YLPM1: variants seen among roughly 807,000 people sequenced by gnomAD.
The protein encoded by YLPM1 is YLP motif-containing protein 1.
A neutral mutation model predicts 230.0 loss-of-function variants in YLPM1; 99 were observed. The observed-to-expected ratio is 0.43, with a 90% CI of 0.37 to 0.51. The LOEUF is 0.51. YLPM1 is among the 20% of genes least tolerant of loss of function. The pLI, the probability that YLPM1 is intolerant of heterozygous loss-of-function variation, is 0.00. For synonymous variants in YLPM1, 984 were observed against 942.5 expected, an observed-to-expected ratio of 1.04 and a Z score of -0.81; for missense variants, 2,592 against 2,707.7, an observed-to-expected ratio of 0.96 and a Z score of 0.95.
chr14:74,777,643 T>A (rs1566740076), intron 1 of YLPM1, among the ~76,000 whole-genome samples: 1 of 151,656 alleles, frequency 6.6e-6, no homozygotes, highest in Non-Finnish European at 1.5e-5. Context: ...TGTGTGTACA[T>A]CTGAGTATGG....
rs759667433 is a variant in YLPM1, at chr14:74,763,441, T to C, written c.-49T>C. The C allele has an allele frequency of 3.6e-6, 5 of 1,374,158 alleles. No individual in the cohort carries two copies. The African/African-American group carries it at 6.0e-5, about 17-fold the overall frequency. 85.1% of individuals were successfully genotyped at this position (1,374,158 alleles called of 1,614,324 possible). The stretch of plus-strand genomic sequence containing the variant: ...CGCCGCCGCGGCTCCTGGAGGTCGG[T>C]TGCGACGAGTAACGGCGCCAGGACG... On this transcript the variant is annotated 5_prime_UTR_variant, in exon 1 of 21. Coordinates refer to ENST00000325680, the MANE Select transcript of YLPM1 (RefSeq NM_019589.3).
At position 74,835,467 on chromosome 14, in the gene YLPM1, TA is replaced by T. The variant is rs1209321352; in HGVS notation, c.*36+23del. 6.3e-7 allele frequency: 1 copy of T among 1,586,156 alleles called. No individual in the cohort carries two copies. Among genetic ancestry groups the T allele is most frequent in the Non-Finnish European group, 8.6e-7 (1 of 1,166,254 alleles). ...TCTAAGGTAAGAGTACACAGTCATA[TA>T]AATAGCCTACTGTGTGGTTGCTTCA... is the stretch of plus-strand genomic sequence containing the variant. On this transcript the variant is annotated intron_variant, in intron 20 of 20. Coordinates refer to ENST00000325680, the MANE Select transcript of YLPM1 (RefSeq NM_019589.3).
intron 2 of YLPM1, among the ~76,000 whole-genome samples, chr14:74,779,273 G>A (rs2091070566): frequency 6.6e-6 from 1 of 152,196 alleles, no homozygotes; most frequent in South Asian, 2.1e-4. Context: ...CAGGGCAATA[G>A]TTGAGTGCTT....
intron 1 of YLPM1, among the ~76,000 whole-genome samples, chr14:74,767,895 T>C (rs903061954): frequency 2.0e-5 from 3 of 152,162 alleles, no homozygotes; most frequent in African/African-American, 7.2e-5. Context: ...AGTGTTGCAT[T>C]CCTCATGGGA....
intron 4 of YLPM1, among the ~76,000 whole-genome samples, chr14:74,783,542 C>T (rs974845221): frequency 6.6e-6 from 1 of 152,136 alleles, no homozygotes; most frequent in Admixed American, 6.5e-5. Context: ...ATATATGTTG[C>T]AGAAATGGGA....
In YLPM1 at chr14:74,780,392, CT is replaced by C. The variant is rs754915733; in HGVS notation, c.1111-9del. The C allele has an allele frequency of 2.5e-6, 4 of 1,602,656 alleles. No individual in the cohort carries two copies. Among genetic ancestry groups the C allele is most frequent in the Non-Finnish European group, 2.6e-6 (3 of 1,174,288 alleles). On this transcript the variant is annotated splice_polypyrimidine_tract_variant and intron_variant, in intron 2 of 20. Transcript: ENST00000325680. ...TATGACTTACATAAAGATGTGTCCT[CT>C]TTTATCTTTAGTCTGAGGACCCAGA... is the stretch of plus-strand genomic sequence containing the variant.
At position 74,763,913 on chromosome 14, in the gene YLPM1, G is replaced by C. The variant is rs767428055; in HGVS notation, c.424G>C (p.Glu142Gln). 6.4e-7 allele frequency: 1 copy of C among 1,560,776 alleles called. No individual in the cohort carries two copies. Among genetic ancestry groups the C allele is most frequent in the South Asian group, 1.2e-5 (1 of 81,300 alleles). ...RDGPPGLVPM[E>Q]LESPPESPPV... The stretch of plus-strand genomic sequence containing the variant: ...CGGGCCTCCTGGTTTGGTTCCAATG[G>C]AGCTGGAATCCCCCCCTGAATCTCC... The change falls in exon 1 of 21, where the codon GAG (glutamate) becomes CAG (glutamine). Residue 142 changes from glutamate (E) to glutamine (Q), a missense_variant. Glu to Gln is a conservative substitution (Grantham distance 29). Coordinates refer to ENST00000325680, the MANE Select transcript of YLPM1 (RefSeq NM_019589.3).
intron 1 of YLPM1, among the ~76,000 whole-genome samples, chr14:74,772,242 G>T (rs2090984687): frequency 6.7e-6 from 1 of 149,410 alleles, no homozygotes; most frequent in South Asian, 2.1e-4. Flanking sequence ...TTCTCAGAGA[G>T]ATGGGATCTT....
intron 18 of YLPM1, among the ~76,000 whole-genome samples, chr14:74,825,720 AAG>A (rs1039367921): frequency 6.6e-6 from 1 of 152,152 alleles, no homozygotes; most frequent in African/African-American, 2.4e-5. Context: ...CTTTAGGGCA[AAG>A]AGAGATCATA....
In YLPM1 at chr14:74,798,517, AGAG is replaced by A; in HGVS notation, c.3224_3226del (p.Gly1075del). 1 of 1,613,964 alleles carries A rather than the reference AGAG, an allele frequency of 6.2e-7. No individual in the cohort carries two copies. Among genetic ancestry groups the A allele is most frequent in the African/African-American group, 1.3e-5 (1 of 75,042 alleles). On this transcript the variant is annotated inframe_deletion, in exon 5 of 21. Coordinates refer to ENST00000325680, the MANE Select transcript of YLPM1 (RefSeq NM_019589.3). The stretch of plus-strand genomic sequence containing the variant: ...AGAAGATAGTCGAGAGAAGATGAAC[AGAG>A]GAGAAGGTAGCCGGGACAGAGGGTT...
At chr14:74,789,606 C>CTTTTTTTTT in intron 4 of YLPM1, among the ~76,000 whole-genome samples, 2 of 125,560 alleles carry the variant, frequency 1.6e-5, no homozygotes, top group Middle Eastern at 3.7e-3. Flanking sequence ...TCTTTCTTTT[C>CTTTTTTTTT]TTTTTTTTTT....
chr14:74,779,055 T>G (rs1458400423), intron 2 of YLPM1, among the ~76,000 whole-genome samples: 4 of 152,192 alleles, frequency 2.6e-5, no homozygotes, highest in Non-Finnish European at 5.9e-5. Flanking sequence ...TTGGCCAGGC[T>G]GGTTTCGAAC....
chr14:74,835,474 C>T (rs957331169), intron 20 of YLPM1, 27 bp downstream of exon 20: 2 of 1,567,284 alleles, frequency 1.3e-6, no homozygotes, highest in Non-Finnish European at 8.7e-7. Flanking sequence ...ATATAAATAG[C>T]CTACTGTGTG....
chr14:74,829,506 A>C (rs1011739066), intron 19 of YLPM1, among the ~76,000 whole-genome samples, 163 bp downstream of exon 19: 2 of 152,130 alleles, frequency 1.3e-5, no homozygotes, highest in African/African-American at 2.4e-5. Context: ...AAATTATCTC[A>C]TCAAAATGTA....
In YLPM1 at chr14:74,812,798, T is replaced by C. The variant is rs1358085921; in HGVS notation, c.5502+16T>C. 1.9e-6 allele frequency: 3 copies of C among 1,607,124 alleles called. No homozygotes were observed. The highest frequency in any genetic ancestry group is 2.2e-5 in the East Asian group (1 of 44,710). On this transcript the variant is annotated intron_variant, in intron 11 of 20. Transcript: ENST00000325680. ...ACCTGAGAGAGTGAGTCCTATGAAG[T>C]TGATTCGTCTTCGTGCAAACCAGAA...
chr14:74,789,186 C>T (rs2091179801), intron 4 of YLPM1, among the ~76,000 whole-genome samples: 2 of 152,124 alleles, frequency 1.3e-5, no homozygotes, highest in South Asian at 4.1e-4. Flanking sequence ...TAGTGTAGGT[C>T]CTCCAATTCT....
intron 10 of YLPM1, 74 bp from the exon 11 acceptor site, chr14:74,812,554 G>A: frequency 6.9e-7 from 1 of 1,455,706 alleles, no homozygotes; most frequent in Non-Finnish European, 9.2e-7. Flanking sequence ...ATTACCTTAG[G>A]ATGTGTGGGG....
rs1400522206 is a variant in YLPM1 at position 74,780,602 on chromosome 14, C to A, written c.1290+18C>A. On this transcript the variant is annotated intron_variant, in intron 3 of 20. Coordinates refer to ENST00000325680, the MANE Select transcript of YLPM1 (RefSeq NM_019589.3). ...ATATACAGGCAAGTGCTTCCATAGT[C>A]CACAATAGGAAGTTGCCCCAAGACA... 1 of 1,576,744 alleles carries A rather than the reference C, an allele frequency of 6.3e-7. No homozygotes were observed. The highest frequency in any genetic ancestry group is 8.6e-7 in the Non-Finnish European group (1 of 1,156,996).
At chr14:74,773,205 G>T (rs1324646677) in intron 1 of YLPM1, among the ~76,000 whole-genome samples, 1 of 152,124 alleles carries the variant, frequency 6.6e-6, no homozygotes, top group Non-Finnish European at 1.5e-5. Flanking sequence ...GGAGAATGGC[G>T]TGAACTCGGG....
Sources: gnomAD v4.1 joint callset for allele counts (sites outside exome capture counted in the v4.1 genomes callset) on GRCh38, gnomAD v4.1.1 for gene constraint, MANE v1.5 for transcripts, NCBI Gene and HGNC (gene_info 2026-07-23, HGNC 2026-07-21) for gene names.